MLLT6: variants seen among roughly 807,000 people sequenced by gnomAD.
MLLT6 encodes MLLT6, PHD finger containing.
Under a neutral mutation model 103.0 loss-of-function variants are expected in MLLT6, and 22 were observed. The ratio of observed to expected loss-of-function variants is 0.21; its 90% confidence interval spans 0.15 to 0.31. The LOEUF is 0.31. Ranked by LOEUF, MLLT6 falls within the 10% of genes least tolerant of loss-of-function variation. The pLI, the probability that MLLT6 is intolerant of heterozygous loss-of-function variation, is 1.00. For synonymous variants in MLLT6, 606 were observed against 623.5 expected (o/e 0.97, Z 0.42); for missense variants, 1,199 against 1,441.7 (o/e 0.83, Z 2.73).
chr17:38,720,230 C>T (rs891430254), intron 14 of MLLT6, 142 bp from the exon 15 acceptor site: 5 of 848,112 alleles, frequency 5.9e-6, no homozygotes, highest in Non-Finnish European at 9.0e-6. Flanking sequence ...CCTCTCTTCT[C>T]AGAGCTCACC....
rs1243936515 is a variant in MLLT6 at position 38,717,584 on chromosome 17, T to C, written c.1804T>C (p.Ser602Pro). Reference protein sequence around the residue: ...SRSPFTSTLPSSSASISTTQV... With the variant: ...SRSPFTSTLPPSSASISTTQV... ...CTCCCCGTTCACCAGCACCCTCCCC[T>C]CCTCTTCTGCTTCTATCTCCACCAC... The change falls in exon 11 of 20, where the codon TCC becomes CCC. Residue 602 changes from serine (S) to proline (P), a missense_variant. Physicochemically the swap from Ser to Pro is moderately conservative, Grantham distance 74. Transcript: ENST00000621332. 2 of 1,613,168 alleles carry C rather than the reference T, an allele frequency of 1.2e-6. No homozygotes were observed. The highest frequency in any genetic ancestry group is 2.2e-5 in the South Asian group (2 of 91,032).
At chr17:38,712,328 C>T (rs1162782261) in intron 7 of MLLT6, among the ~76,000 whole-genome samples, 2 of 152,202 alleles carry the variant, frequency 1.3e-5, no homozygotes, top group African/African-American at 4.8e-5. Flanking sequence ...CTAGTAAGTG[C>T]TCATGCCTGC....
chr17:38,707,729 A>G, intron 3 of MLLT6, 34 bp from the exon 4 acceptor site: 1 of 1,407,652 alleles, frequency 7.1e-7, no homozygotes, highest in Non-Finnish European at 1.0e-6. Flanking sequence ...CCGGCTTGCC[A>G]TCTGCAGCTG....
In MLLT6 at chr17:38,707,752, C is replaced by T; in HGVS notation, c.245-11C>T. On this transcript the variant is annotated splice_polypyrimidine_tract_variant and intron_variant, in intron 3 of 19. Transcript: ENST00000621332. ...CCATCTGCAGCTGAGGCTACCCCCA[C>T]ACTGCCCCAGGCTGGGCACACGTGG... The T allele has an allele frequency of 1.3e-6, 2 of 1,567,492 alleles. No homozygotes were observed. Among genetic ancestry groups the T allele is most frequent in the Non-Finnish European group, 1.8e-6 (2 of 1,138,294 alleles).
rs1904858827 is a variant in MLLT6 at position 38,705,455 on chromosome 17, AGGAGGAGGAGGACGC to A, written c.-165_-151del. ...CGGCCAGACAGAGCGAGCGAGGAGG[AGGAGGAGGAGGACGC>A]GGAGGAGGAGGAAGGAGGAGGCAAA... is the stretch of plus-strand genomic sequence containing the variant. On this transcript the variant is annotated 5_prime_UTR_variant, in exon 1 of 20. Transcript: ENST00000621332. 2.4e-5 allele frequency: 10 copies of A among 410,646 alleles called. No individual in the cohort carries two copies. Among genetic ancestry groups the A allele is most frequent in the Non-Finnish European group, 4.0e-5 (9 of 226,776 alleles). The allele number at this position is 410,646 out of a possible 1,614,324, so 25.4% of individuals were successfully genotyped here. A position where few individuals can be genotyped will look rare whatever the true frequency, so the allele number is the denominator to read the frequency against.
At chr17:38,722,634 T>TGGGGGGGGTGGTGTGG in intron 17 of MLLT6, 44 bp from the exon 18 acceptor site, 1 of 532,162 alleles carries the variant, frequency 1.9e-6, no homozygotes, top group Non-Finnish European at 3.6e-6. Flanking sequence ...CCCTCCCCCA[T>TGGGGGGGGTGGTGTGG]GGTCTGTGTG....
Position 38,711,957 on chromosome 17 carries a change from C to T in MLLT6, c.663C>T (p.Ala221=). The T allele has an allele frequency of 6.2e-7, 1 of 1,609,584 alleles. No homozygotes were observed. Among genetic ancestry groups the T allele is most frequent in the Non-Finnish European group, 8.5e-7 (1 of 1,177,454 alleles). Residue 221 remains alanine (A), a synonymous_variant, in exon 7 of 20, where the codon GCC becomes GCT. Coordinates refer to ENST00000621332, the MANE Select transcript of MLLT6 (RefSeq NM_005937.4). ...TCTCTGGGAGGAGAAGCCGGTCAGC[C>T]TCACCATCCACGCAGCAGGAGAAGC... The part of the protein sequence containing the change: ...GFISGRRSRS[A]SPSTQQEKHP...
rs764654660 is a variant in MLLT6, at chr17:38,728,919, T to C, written c.*3321T>C. 10 of 233,792 alleles carry C rather than the reference T, an allele frequency of 4.3e-5. No individual in the cohort carries two copies. Among genetic ancestry groups the C allele is most frequent in the Non-Finnish European group, 6.8e-5 (8 of 118,176 alleles). 14.5% of individuals were successfully genotyped at this position (233,792 alleles called of 1,614,324 possible). A position where few individuals can be genotyped will look rare whatever the true frequency, so the allele number is the denominator to read the frequency against. On this transcript the variant is annotated 3_prime_UTR_variant, in exon 20 of 20. Transcript: ENST00000621332. ...GGATTGTCTTGGTTTGTTTTTCCTA[T>C]TTGTGGGGTATTTTCCCCCTCAGGC...
intron 16 of MLLT6, chr17:38,720,953 C>T (rs1394248698): frequency 5.0e-6 from 3 of 600,424 alleles, no homozygotes; most frequent in South Asian, 2.0e-5. Flanking sequence ...TGAGCAAAAC[C>T]GGCACAGCGC....
At chr17:38,720,924 C>T (rs993943326) in intron 16 of MLLT6, 177 bp downstream of exon 16, 2 of 637,018 alleles carry the variant, frequency 3.1e-6, no homozygotes, top group South Asian at 1.9e-5. Context: ...TTAGTGCCAG[C>T]CATTGGCTAA....
At chr17:38,722,890 G>A in intron 18 of MLLT6, 122 bp downstream of exon 18, 1 of 748,994 alleles carries the variant, frequency 1.3e-6, no homozygotes, top group Non-Finnish European at 2.3e-6. Context: ...GCTCTAGGCT[G>A]GGCCTGTGGG....
rs1906074575 is a variant in MLLT6 at position 38,727,083 on chromosome 17, G to C, written c.*1485G>C. 4.3e-6 allele frequency: 1 copy of C among 233,012 alleles called. No homozygotes were observed. The highest frequency in any genetic ancestry group is 2.2e-5 in the African/African-American group (1 of 45,144). The allele number at this position is 233,012 out of a possible 1,614,324, so 14.4% of individuals were successfully genotyped here. The stretch of plus-strand genomic sequence containing the variant: ...AGGCTCCGGCCTTGTCAGTCTCTTT[G>C]CATGTGTGGATTTTTCTGTGTGTGT... On this transcript the variant is annotated 3_prime_UTR_variant, in exon 20 of 20. Coordinates refer to ENST00000621332, the MANE Select transcript of MLLT6 (RefSeq NM_005937.4).
chr17:38,728,929 AT>A lies in MLLT6; in HGVS notation c.*3335del. 4.3e-6 allele frequency: 1 copy of A among 233,628 alleles called. No homozygotes were observed. The highest frequency in any genetic ancestry group is 8.5e-6 in the Non-Finnish European group (1 of 118,094). The allele number at this position is 233,628 out of a possible 1,614,324, so 14.5% of individuals were successfully genotyped here. On this transcript the variant is annotated 3_prime_UTR_variant, in exon 20 of 20. Coordinates refer to ENST00000621332, the MANE Select transcript of MLLT6 (RefSeq NM_005937.4). The stretch of plus-strand genomic sequence containing the variant: ...GGTTTGTTTTTCCTATTTGTGGGGT[AT>A]TTTCCCCCTCAGGCTCCTGGGTCTG...
rs199583543 is a variant in MLLT6 at position 38,707,053 on chromosome 17, C to T, written c.189+24C>T. On this transcript the variant is annotated intron_variant, in intron 2 of 19. Transcript: ENST00000621332. ...TGGTGAGTTCCAGACTGCCCCTCTC[C>T]ACTCCCCTGCCCCTCCCACACACCT... 1.5e-4 allele frequency: 239 copies of T among 1,594,268 alleles called. No individual in the cohort carries two copies. In the African/African-American group the frequency reaches 2.8e-3, roughly 18 times the overall value.
Position 38,724,896 on chromosome 17 carries a change from C to A in MLLT6, c.3160C>A (p.Pro1054Thr). 1.3e-6 allele frequency: 2 copies of A among 1,554,950 alleles called. No homozygotes were observed. Among genetic ancestry groups the A allele is most frequent in the East Asian group, 4.9e-5 (2 of 41,142 alleles). The stretch of plus-strand genomic sequence containing the variant: ...TGCAGCAGTAGCAGCAGCAGGCGGA[C>A]CTCCAGTCCTCACTGCCCAGACCAA... ...AAAAVAAAGG[P>T]PVLTAQTNPF... Residue 1054 changes from proline to threonine, a missense_variant, in exon 19 of 20, where the codon CCT (proline) becomes ACT (threonine). Pro to Thr is a conservative substitution (Grantham distance 38). This residue lies in a region of MLLT6 where 55 missense variants were observed against 93.3 expected (regional missense o/e 0.59). Transcript: ENST00000621332. This position sits in a 1 kb window ranked among gnomAD's most constrained non-coding sequence, Gnocchi z 5.4.
chr17:38,727,094 T>G lies in MLLT6; in HGVS notation c.*1496T>G, dbSNP rs1348732409. The G allele has an allele frequency of 4.3e-6, 1 of 233,378 alleles. No individual in the cohort carries two copies. Among genetic ancestry groups the G allele is most frequent in the Non-Finnish European group, 8.5e-6 (1 of 118,020 alleles). The allele number at this position is 233,378 out of a possible 1,614,324, so 14.5% of individuals were successfully genotyped here. On this transcript the variant is annotated 3_prime_UTR_variant, in exon 20 of 20. Transcript: ENST00000621332. ...TTGTCAGTCTCTTTGCATGTGTGGA[T>G]TTTTCTGTGTGTGTTTCTGTTTGGG...
intron 1 of MLLT6, chr17:38,706,001 G>C (rs2143659014): frequency 5.0e-6 from 1 of 198,358 alleles, no homozygotes; most frequent in South Asian, 1.9e-4. Context: ...AGCAATGAGT[G>C]AACTCCCCAC....
chr17:38,712,153 A>T, intron 7 of MLLT6, 139 bp downstream of exon 7: 29 of 1,331,666 alleles, frequency 2.2e-5, no homozygotes, highest in Admixed American at 7.0e-5. Flanking sequence ...TGAGGGCAGG[A>T]GGGGGCTGAA....
At chr17:38,711,507 G>A (rs1298497043) in intron 6 of MLLT6, among the ~76,000 whole-genome samples, 7 of 152,098 alleles carry the variant, frequency 4.6e-5, no homozygotes, top group South Asian at 2.1e-4. Context: ...GAAACGGGCC[G>A]TGGCTCAGTC....
Sources: gnomAD v4.1 joint callset for allele counts (sites outside exome capture counted in the v4.1 genomes callset) on GRCh38, gnomAD v4.1.1 for gene constraint, gnomAD v4.1.1 regional missense constraint, Gnocchi (gnomAD v3.1) non-coding constraint, MANE v1.5 for transcripts, NCBI Gene and HGNC (gene_info 2026-07-23, HGNC 2026-07-21) for gene names.